The following MYO18B variants were observed in gnomAD, a reference collection of about 807,000 sequenced individuals.
MYO18B encodes unconventional myosin-XVIIIb.
A neutral mutation model predicts 273.0 loss-of-function variants in MYO18B; 204 were observed. That is an observed-to-expected ratio of 0.75 (90% CI 0.67 to 0.84). MYO18B has a LOEUF of 0.84. Ranked by LOEUF, MYO18B falls within the 40% of genes least tolerant of loss-of-function variation. The probability of loss-of-function intolerance (pLI) is 0.00; values close to 1 mark genes in which losing one functional copy is unlikely to be tolerated. For synonymous variants in MYO18B, 1,330 were observed against 1,305.7 expected, an observed-to-expected ratio of 1.02 and a Z score of -0.40; for missense variants, 3,212 against 3,287.6, an observed-to-expected ratio of 0.98 and a Z score of 0.56.
chr22:25,805,307 G>C (rs1366198579), intron 12 of MYO18B, among the ~76,000 whole-genome samples: 1 of 152,202 alleles, frequency 6.6e-6, no homozygotes, highest in African/African-American at 2.4e-5. Context: ...GCTTGGACTG[G>C]GACTCAGGTC....
At chr22:25,824,915 C>T (rs1229610878) in intron 13 of MYO18B, among the ~76,000 whole-genome samples, 5 of 151,266 alleles carry the variant, frequency 3.3e-5, no homozygotes, top group South Asian at 2.1e-4. Flanking sequence ...ACAGATACCA[C>T]GGAATCACAC....
At chr22:25,814,142 C>T (rs866319542) in intron 12 of MYO18B, among the ~76,000 whole-genome samples, 4 of 152,076 alleles carry the variant, frequency 2.6e-5, no homozygotes, top group South Asian at 4.1e-4. Flanking sequence ...GAGATTAGGA[C>T]ACCTGCGGGA....
chr22:25,984,113 T>C (rs6004868), intron 39 of MYO18B, among the ~76,000 whole-genome samples: 80,407 of 152,082 alleles, frequency 0.53, 22,376 homozygotes, highest in Non-Finnish European at 0.6. Flanking sequence ...TTTAGGTAGG[T>C]GAGGTGTACA....
chr22:25,939,482 T>G (rs1450513522), intron 34 of MYO18B, among the ~76,000 whole-genome samples: 1 of 152,186 alleles, frequency 6.6e-6, no homozygotes, highest in African/African-American at 2.4e-5. Context: ...GAACTTTATT[T>G]TCATAGTCTC....
chr22:25,945,088 C>T (rs764197611), intron 34 of MYO18B, among the ~76,000 whole-genome samples: 5 of 152,108 alleles, frequency 3.3e-5, no homozygotes, highest in African/African-American at 7.2e-5. Context: ...TTATTTAAGT[C>T]GGTGTCTCTT....
chr22:25,809,767 C>T (rs1034967210), intron 12 of MYO18B, among the ~76,000 whole-genome samples: 7 of 152,078 alleles, frequency 4.6e-5, no homozygotes, highest in East Asian at 1.9e-4. Context: ...GTAGCAAGGA[C>T]GGTCCATCCA....
chr22:26,040,906 GA>G, the MYO18B span, among the ~76,000 whole-genome samples: 11 of 152,194 alleles, frequency 7.2e-5, no homozygotes, highest in Non-Finnish European at 1.3e-4. Flanking sequence ...TGAGAGTAAG[GA>G]TGGGAGCCAT....
At chr22:25,933,182 C>A (rs1169140173) in intron 34 of MYO18B, among the ~76,000 whole-genome samples, 1 of 152,108 alleles carries the variant, frequency 6.6e-6, no homozygotes, top group East Asian at 1.9e-4. Flanking sequence ...CTATTTCTTT[C>A]CAATTTCAGA....
At chr22:25,922,869 C>T (rs1243275975) in intron 34 of MYO18B, among the ~76,000 whole-genome samples, 1 of 152,204 alleles carries the variant, frequency 6.6e-6, no homozygotes. Flanking sequence ...AGAGCTTATT[C>T]GCTTAACTAG....
chr22:25,742,739 G>T (rs542921478), intron 1 of MYO18B, among the ~76,000 whole-genome samples: 2 of 152,184 alleles, frequency 1.3e-5, no homozygotes. Context: ...TGTTAACAAC[G>T]CTGTTGAGTC....
In MYO18B at chr22:25,835,401, C is replaced by T. The variant is rs552342374; in HGVS notation, c.3166C>T (p.Arg1056Cys). ...EGSSDSVVLERLCAAFEKKGA... is the reference protein window; with the variant it reads ...EGSSDSVVLECLCAAFEKKGA... ...CTCCAGTGACAGTGTGGTGCTCGAG[C>T]GTCTGTGTGCTGCTTTCGAGAAGAA... is the stretch of plus-strand genomic sequence containing the variant. Residue 1056 changes from arginine to cysteine, a missense_variant, in exon 17 of 44, where the codon CGT (arginine) becomes TGT (cysteine). Transcript: ENST00000335473. The T allele has an allele frequency of 1.2e-4, 187 of 1,613,784 alleles. No homozygotes were observed. Among genetic ancestry groups the T allele is most frequent in the Non-Finnish European group, 1.5e-4 (174 of 1,179,886 alleles).
In MYO18B at chr22:25,898,439, GA is replaced by G. The variant is rs778008936; in HGVS notation, c.4802del (p.Glu1601GlyfsTer17). On this transcript the variant is annotated frameshift_variant, in exon 29 of 44. Transcript: ENST00000335473. LOFTEE classifies it high-confidence loss of function. ...LLENQQSRNH[E>X]LEKKQKKFDL... Reference sequence around the variant, plus strand: ...AGAGAACCAACAAAGTCGAAACCATGAGCTGGAGAAGAAGCAGAAGAAGTGA... The same window carrying G: ...AGAGAACCAACAAAGTCGAAACCATGGCTGGAGAAGAAGCAGAAGAAGTGA... 9 of 1,613,812 alleles carry G rather than the reference GA, an allele frequency of 5.6e-6. No homozygotes were observed. The South Asian group carries it at 9.9e-5, about 18-fold the overall frequency.
At chr22:25,796,364 T>C (rs4822657) in intron 11 of MYO18B, among the ~76,000 whole-genome samples, 113,048 of 152,006 alleles carry the variant, frequency 0.74, 42,170 homozygotes, top group East Asian at 0.87. Context: ...GTGGGAGGAT[T>C]GCTTGAGTCC....
chr22:26,056,659 C>T, the MYO18B span, among the ~76,000 whole-genome samples: 2 of 152,192 alleles, frequency 1.3e-5, no homozygotes, highest in Admixed American at 1.3e-4. Context: ...TCCACTCCTA[C>T]TCAGCTCTTC....
chr22:25,972,870 T>C (rs190093969), intron 39 of MYO18B, among the ~76,000 whole-genome samples: 106 of 151,072 alleles, frequency 7.0e-4, no homozygotes, highest in African/African-American at 2.5e-3. Context: ...GCATGAGAAT[T>C]GGTTGAACCT....
intron 34 of MYO18B, among the ~76,000 whole-genome samples, chr22:25,930,252 C>G (rs1288751202): frequency 1.3e-5 from 2 of 152,172 alleles, no homozygotes; most frequent in Non-Finnish European, 2.9e-5. Context: ...TGGGCCTGCC[C>G]CTGAGTTAGT....
intron 40 of MYO18B, among the ~76,000 whole-genome samples, chr22:25,999,308 C>G (rs4311145): frequency 0.19 from 29,564 of 152,042 alleles, 3,452 homozygotes; most frequent in Non-Finnish European, 0.27. Context: ...AGTAACTGCC[C>G]TGTCGTTAAG....
At chr22:25,806,760 C>T (rs1371276580) in intron 12 of MYO18B, among the ~76,000 whole-genome samples, 1 of 152,190 alleles carries the variant, frequency 6.6e-6, no homozygotes, top group Non-Finnish European at 1.5e-5. Flanking sequence ...TGGATGCTCT[C>T]TGGAGCTAAA....
chr22:26,043,917 C>T, the MYO18B span, among the ~76,000 whole-genome samples: 1 of 152,208 alleles, frequency 6.6e-6, no homozygotes, highest in Non-Finnish European at 1.5e-5. Context: ...CACGCCACTG[C>T]ACCTGGCTTT....
Sources: allele counts gnomAD v4.1 joint callset (sites outside exome capture counted in the v4.1 genomes callset), GRCh38; gene constraint gnomAD v4.1.1; transcripts MANE v1.5; gene names NCBI Gene and HGNC (gene_info 2026-07-23, HGNC 2026-07-21).